The following ELOVL4 variants were observed in gnomAD, a reference collection of about 807,000 sequenced individuals.
The protein encoded by ELOVL4 is ELOVL fatty acid elongase 4, also known as very long chain fatty acid elongase 4.
Under a neutral mutation model 42.1 loss-of-function variants are expected in ELOVL4, and 18 were observed. The ratio of observed to expected loss-of-function variants is 0.43; its 90% CI spans 0.30 to 0.63. ELOVL4 has a LOEUF of 0.63. Ranked by LOEUF, ELOVL4 falls within the 30% of genes least tolerant of loss-of-function variation. ELOVL4 has a pLI of 0.15. For synonymous variants in ELOVL4, 117 were observed against 127.0 expected, an observed-to-expected ratio of 0.92 and a Z score of 0.53; for missense variants, 299 against 376.2, an observed-to-expected ratio of 0.79 and a Z score of 1.70.
chr6:79,921,393 GGAGGTTGCAGTGA>G (rs1774252041), intron 4 of ELOVL4, among the ~76,000 whole-genome samples: 3 of 147,774 alleles, frequency 2.0e-5, no homozygotes. Context: ...CCCGGGAGGT[GGAGGTTGCAGTGA>G]GCCGAGATCG....
At chr6:79,929,422 G>A (rs1774406199) in intron 1 of ELOVL4, among the ~76,000 whole-genome samples, 1 of 152,136 alleles carries the variant, frequency 6.6e-6, no homozygotes, top group Admixed American at 6.5e-5. Context: ...TGTATTTTTT[G>A]TAGAGACAGG....
At chr6:79,921,248 T>A (rs1022110320) in intron 4 of ELOVL4, among the ~76,000 whole-genome samples, 7 of 151,484 alleles carry the variant, frequency 4.6e-5, no homozygotes, top group Non-Finnish European at 8.8e-5. Context: ...GATCACAAGG[T>A]CAAGAGATCG....
chr6:79,928,740 T>TTG (rs1774392320), intron 1 of ELOVL4, among the ~76,000 whole-genome samples: 2 of 141,852 alleles, frequency 1.4e-5, no homozygotes, highest in Admixed American at 6.9e-5. Context: ...TTTTTTTTTT[T>TTG]TTTTTTTTTT....
chr6:79,919,376 T>C, intron 5 of ELOVL4, 44 bp downstream of exon 5: 1 of 1,605,492 alleles, frequency 6.2e-7, no homozygotes, highest in Non-Finnish European at 8.5e-7. Flanking sequence ...ATTTAAACAA[T>C]TTCAGTATTT....
chr6:79,946,616 A>G (rs1229132303), intron 1 of ELOVL4, among the ~76,000 whole-genome samples: 3 of 152,230 alleles, frequency 2.0e-5, no homozygotes, highest in African/African-American at 7.2e-5. Context: ...AGGTTCAAGG[A>G]GCCAAACAAT....
intron 1 of ELOVL4, among the ~76,000 whole-genome samples, chr6:79,933,335 AT>A (rs1561988359): frequency 2.0e-5 from 3 of 152,034 alleles, no homozygotes; most frequent in Admixed American, 6.6e-5. Context: ...GGCGTAAGCG[AT>A]TTTCGTGCCT....
In ELOVL4 at chr6:79,925,001, C is replaced by T. The variant is rs1447368650; in HGVS notation, c.320G>A (p.Ser107Asn). The change falls in exon 3 of 6, where the codon AGC (serine) becomes AAC (asparagine). Residue 107 changes from serine to asparagine, a missense_variant. Coordinates refer to ENST00000369816, the MANE Select transcript of ELOVL4 (RefSeq NM_022726.4). The part of the protein sequence containing the change: ...LFMGSYNAGY[S>N]YICQSVDYSN... Reference sequence around the variant, plus strand: ...ATAATCCACACTCTGGCAAATATAGCTATATCCCGCATTATATGATCCCAT... The same window carrying T: ...ATAATCCACACTCTGGCAAATATAGTTATATCCCGCATTATATGATCCCAT... 2 of 1,607,224 alleles carry T rather than the reference C, an allele frequency of 1.2e-6. No individual in the cohort carries two copies. Among genetic ancestry groups the T allele is most frequent in the South Asian group, 2.2e-5 (2 of 90,942 alleles).
chr6:79,935,917 A>C (rs950909982), intron 1 of ELOVL4, among the ~76,000 whole-genome samples: 5 of 152,202 alleles, frequency 3.3e-5, no homozygotes, highest in African/African-American at 9.6e-5. Flanking sequence ...CTGGAACCTT[A>C]CAAGAAATGC....
intron 1 of ELOVL4, among the ~76,000 whole-genome samples, chr6:79,931,612 T>C (rs1774446533): frequency 6.6e-6 from 1 of 152,182 alleles, no homozygotes; most frequent in South Asian, 2.1e-4. Flanking sequence ...GTCTTATACT[T>C]CATTAGGTGC....
At chr6:79,933,217 T>G (rs1265641803) in intron 1 of ELOVL4, among the ~76,000 whole-genome samples, 1 of 150,094 alleles carries the variant, frequency 6.7e-6, no homozygotes, top group Non-Finnish European at 1.5e-5. Context: ...GATATTTGAT[T>G]GTTTTTGTTT....
At chr6:79,921,894 C>T in intron 3 of ELOVL4, 98 bp from the exon 4 acceptor site, 1 of 1,168,010 alleles carries the variant, frequency 8.6e-7, no homozygotes, top group Non-Finnish European at 1.3e-6. Context: ...TTGTATATTG[C>T]ACAAAATGTA....
At position 79,916,266 on chromosome 6, in the gene ELOVL4, AT is replaced by A. The variant is rs1477761346; in HGVS notation, c.*341del. ...AAGACCGTTTCTGTGATCGTCTAAA[AT>A]TCAGACCGAAGAATGAGTGACTATA... is the stretch of plus-strand genomic sequence containing the variant. On this transcript the variant is annotated 3_prime_UTR_variant, in exon 6 of 6. Transcript: ENST00000369816. The A allele has an allele frequency of 8.4e-6, 2 of 237,778 alleles. No individual in the cohort carries two copies. Among genetic ancestry groups the A allele is most frequent in the Non-Finnish European group, 1.7e-5 (2 of 120,940 alleles). The allele number at this position is 237,778 out of a possible 1,614,324, so 14.7% of individuals were successfully genotyped here.
chr6:79,931,161 T>G (rs1295532096), intron 1 of ELOVL4, among the ~76,000 whole-genome samples: 1 of 152,202 alleles, frequency 6.6e-6, no homozygotes, highest in Non-Finnish European at 1.5e-5. Context: ...AATTTGTTTA[T>G]CAAATTATTT....
chr6:79,925,110 G>T, intron 2 of ELOVL4, 78 bp from the exon 3 acceptor site: 3 of 962,644 alleles, frequency 3.1e-6, no homozygotes, highest in Non-Finnish European at 4.9e-6. Context: ...ACAAAATGTA[G>T]CCTTTCAAAT....
chr6:79,933,449 C>G (rs1045463983), intron 1 of ELOVL4, among the ~76,000 whole-genome samples: 5 of 152,040 alleles, frequency 3.3e-5, no homozygotes, highest in Non-Finnish European at 7.4e-5. Flanking sequence ...CAGGCTGGCC[C>G]TGAACCCCTG....
rs747560791 is a variant in ELOVL4 at position 79,921,680 on chromosome 6, G to A, written c.486C>T (p.His162=). The part of the protein sequence containing the change: ...NQVSFLHVYH[H]CTMFTLWWIG... ...TCCACCACAAGGTAAACATCGTACAGTGATGATACACATGAAGGAAAGAAA... is the reference window on the plus strand; with the variant it reads ...TCCACCACAAGGTAAACATCGTACAATGATGATACACATGAAGGAAAGAAA... The change falls in exon 4 of 6, where the codon CAC becomes CAT. Residue 162 remains histidine (H), a synonymous_variant. Transcript: ENST00000369816. The A allele has an allele frequency of 6.2e-7, 1 of 1,613,946 alleles. No individual in the cohort carries two copies. The highest frequency in any genetic ancestry group is 8.5e-7 in the Non-Finnish European group (1 of 1,179,998).
intron 1 of ELOVL4, among the ~76,000 whole-genome samples, chr6:79,931,209 T>C (rs1207686541): frequency 6.6e-6 from 1 of 152,226 alleles, no homozygotes; most frequent in Non-Finnish European, 1.5e-5. Context: ...TTAACATGTT[T>C]GTACCTTCAT....
chr6:79,937,732 A>G (rs1308020449), intron 1 of ELOVL4, among the ~76,000 whole-genome samples: 4 of 152,180 alleles, frequency 2.6e-5, no homozygotes, highest in Admixed American at 6.5e-5. Context: ...AAGGAGAAAG[A>G]TCTTGATCCT....
chr6:79,942,362 G>C (rs1774661777), intron 1 of ELOVL4, among the ~76,000 whole-genome samples: 1 of 152,048 alleles, frequency 6.6e-6, no homozygotes, highest in Non-Finnish European at 1.5e-5. Flanking sequence ...TTTGTTAACA[G>C]GCAAAATGTC....
Sources: gnomAD v4.1 joint callset for allele counts (sites outside exome capture counted in the v4.1 genomes callset) on GRCh38, gnomAD v4.1.1 for gene constraint, MANE v1.5 for transcripts, NCBI Gene and HGNC (gene_info 2026-07-23, HGNC 2026-07-21) for gene names.